The following KRCC1 variants were observed in gnomAD, a reference collection of about 807,000 sequenced individuals.
KRCC1 encodes the protein lysine rich coiled-coil 1, also known as lysine-rich coiled-coil protein 1.
Under a neutral mutation model 7.4 loss-of-function variants are expected in KRCC1, and 3 were observed. That is an observed-to-expected ratio of 0.40 (90% CI 0.18 to 1.04). The LOEUF (loss-of-function observed/expected upper bound fraction) is 1.04. Among genes scored for constraint, KRCC1 ranks in the 50% least tolerant of loss-of-function variants. The pLI is 0.33. For missense variants in KRCC1, 277 were observed against 300.9 expected, an observed-to-expected ratio of 0.92 and a Z score of 0.59; for synonymous variants, 102 against 101.6, an observed-to-expected ratio of 1.00 and a Z score of -0.02.
intron 1 of KRCC1, among the ~76,000 whole-genome samples, chr2:88,050,359 A>G (rs961746917): frequency 2.0e-5 from 3 of 152,160 alleles, no homozygotes; most frequent in Admixed American, 1.3e-4. Flanking sequence ...GGTGGTTCAC[A>G]CCTGTAATCC....
chr2:88,053,839 T>C (rs1673553391), intron 1 of KRCC1, among the ~76,000 whole-genome samples: 1 of 152,232 alleles, frequency 6.6e-6, no homozygotes, highest in Non-Finnish European at 1.5e-5. Flanking sequence ...TGGGGTTATA[T>C]TTATAGGTGT....
At chr2:88,041,771 A>G (rs1388203236) in intron 1 of KRCC1, among the ~76,000 whole-genome samples, 1 of 152,234 alleles carries the variant, frequency 6.6e-6, no homozygotes, top group Non-Finnish European at 1.5e-5. Context: ...AGCATTATAT[A>G]GTTTGAAGAA....
At chr2:88,045,750 C>T (rs1183237268) in intron 1 of KRCC1, among the ~76,000 whole-genome samples, 1 of 151,882 alleles carries the variant, frequency 6.6e-6, no homozygotes, top group Non-Finnish European at 1.5e-5. Flanking sequence ...GTGGTGCAAT[C>T]TTGGCTCACC....
At chr2:88,047,220 A>C (rs1448058289) in intron 1 of KRCC1, among the ~76,000 whole-genome samples, 2 of 152,178 alleles carry the variant, frequency 1.3e-5, no homozygotes, top group Non-Finnish European at 2.9e-5. Context: ...CATGTTTCTC[A>C]CAAAACGCAA....
chr2:88,040,492 G>A (rs1009153689), intron 1 of KRCC1, among the ~76,000 whole-genome samples: 5 of 152,142 alleles, frequency 3.3e-5, no homozygotes, highest in South Asian at 2.1e-4. Context: ...GAACCTTATC[G>A]AATGCCTACT....
rs1442381468 is a variant in KRCC1, at chr2:88,040,985, GAA to G, written c.-290-3936_-290-3935del. Among the ~76,000 whole-genome samples, 2 of 152,202 alleles carry G rather than the reference GAA, an allele frequency of 1.3e-5. 1 individual carries two copies. Among genetic ancestry groups the G allele is most frequent in the Non-Finnish European group, 2.9e-5 (2 of 68,028 alleles). On this transcript the variant is annotated intron_variant, in intron 1 of 3. Coordinates refer to ENST00000347055, the MANE Select transcript of KRCC1 (RefSeq NM_016618.3). ...AAAACAAGACATGCATAAAGGTAGT[GAA>G]AGACAGTGCTAAAGGTGGAATGATG...
chr2:88,034,524 T>C (rs1673054499), intron 2 of KRCC1, among the ~76,000 whole-genome samples: 1 of 152,202 alleles, frequency 6.6e-6, no homozygotes, highest in Non-Finnish European at 1.5e-5. Flanking sequence ...ATTGTATATA[T>C]TTATGAAATA....
intron 1 of KRCC1, among the ~76,000 whole-genome samples, chr2:88,052,870 T>A (rs1673527047): frequency 6.6e-6 from 1 of 152,244 alleles, no homozygotes; most frequent in Non-Finnish European, 1.5e-5. Flanking sequence ...GTTTCTTAAA[T>A]AAATCCCCCT....
At chr2:88,050,310 T>C (rs1673444478) in intron 1 of KRCC1, among the ~76,000 whole-genome samples, 1 of 151,704 alleles carries the variant, frequency 6.6e-6, no homozygotes. Context: ...ACCGAGTCAA[T>C]TTTTTTTCTT....
At chr2:88,055,289 T>G (rs917317315) in intron 1 of KRCC1, among the ~76,000 whole-genome samples, 1 of 152,088 alleles carries the variant, frequency 6.6e-6, no homozygotes, top group African/African-American at 2.4e-5. Flanking sequence ...CCCTCAATTT[T>G]CGAGTTTCCT....
intron 3 of KRCC1, among the ~76,000 whole-genome samples, chr2:88,033,188 G>A (rs948755752): frequency 2.6e-5 from 4 of 152,028 alleles, no homozygotes; most frequent in African/African-American, 9.7e-5. Flanking sequence ...AATACATACA[G>A]TTTATTATAT....
rs1337569379 is a variant in KRCC1, at chr2:88,028,129, A to G, written c.435T>C (p.Ser145=). Residue 145 remains serine, a synonymous_variant, in exon 4 of 4, where the codon AGT becomes AGC. Coordinates refer to ENST00000347055, the MANE Select transcript of KRCC1 (RefSeq NM_016618.3). ...TGTGACTGGCTTGATGAGTACTGGT[A>G]CTGTTATCTGAGGAGAAGTGCTTGT... The part of the protein sequence containing the change: ...RVYKHFSSDN[S]TSTHQASHKQ... 15 of 1,613,850 alleles carry G rather than the reference A, an allele frequency of 9.3e-6. No homozygotes were observed. The highest frequency in any genetic ancestry group is 1.3e-5 in the Non-Finnish European group (15 of 1,179,974).
chr2:88,045,512 T>C (rs1242166484), intron 1 of KRCC1, among the ~76,000 whole-genome samples: 1 of 152,142 alleles, frequency 6.6e-6, no homozygotes, highest in African/African-American at 2.4e-5. Context: ...GTTCTAGAAA[T>C]GCAAACTAAT....
chr2:88,039,666 C>T (rs1000745051), intron 1 of KRCC1, among the ~76,000 whole-genome samples: 25 of 151,932 alleles, frequency 1.6e-4, no homozygotes, highest in Non-Finnish European at 2.9e-4. Flanking sequence ...CCAGCCTGGG[C>T]GACAAAGTGA....
At chr2:88,054,034 C>T (rs1253055655) in intron 1 of KRCC1, among the ~76,000 whole-genome samples, 2 of 152,168 alleles carry the variant, frequency 1.3e-5, no homozygotes, top group African/African-American at 4.8e-5. Context: ...AAATCATTCC[C>T]AAAACTGCTT....
At chr2:88,041,526 T>G (rs1465897679) in intron 1 of KRCC1, among the ~76,000 whole-genome samples, 1 of 152,232 alleles carries the variant, frequency 6.6e-6, no homozygotes, top group African/African-American at 2.4e-5. Flanking sequence ...TTAAACAACC[T>G]GCAGATGTTT....
chr2:88,032,090 C>T (rs917901363), intron 3 of KRCC1, among the ~76,000 whole-genome samples: 8 of 151,876 alleles, frequency 5.3e-5, no homozygotes, highest in South Asian at 2.1e-4. Flanking sequence ...TGCAATAAGC[C>T]GAGATCGCGC....
At chr2:88,035,456 G>C (rs952206231) in intron 2 of KRCC1, among the ~76,000 whole-genome samples, 2 of 152,166 alleles carry the variant, frequency 1.3e-5, no homozygotes, top group Non-Finnish European at 2.9e-5. Context: ...ACAGTCATCA[G>C]AGAACATGAG....
At position 88,028,087 on chromosome 2, in the gene KRCC1, C is replaced by T; in HGVS notation, c.477G>A (p.Lys159=). The change falls in exon 4 of 4, where the codon AAG becomes AAA. Residue 159 remains lysine (K), a synonymous_variant. Transcript: ENST00000347055. ...TGCCTTCCTCTGGGTGCCTTTTCCT[C>T]TTCTGATGTATCTGTTTGTGACTGG... ...HQASHKQIHQ[K]RKRHPEEGRE... is the part of the protein sequence containing the mutation. 6.2e-7 allele frequency: 1 copy of T among 1,614,126 alleles called. No homozygotes were observed. The highest frequency in any genetic ancestry group is 8.5e-7 in the Non-Finnish European group (1 of 1,180,026).
Sources: gnomAD v4.1 joint callset for allele counts (sites outside exome capture counted in the v4.1 genomes callset) on GRCh38, gnomAD v4.1.1 for gene constraint, MANE v1.5 for transcripts, NCBI Gene and HGNC (gene_info 2026-07-23, HGNC 2026-07-21) for gene names.